Variants in DAB1 observed in about 807,000 individuals in gnomAD.
DAB1 encodes DAB adaptor protein 1.
DAB1 carries 15 observed loss-of-function variants against 64.6 expected under a neutral mutation model. The observed-to-expected ratio is 0.23, with a 90% CI of 0.16 to 0.36. The LOEUF is 0.36. DAB1 is among the 10% of genes least tolerant of loss of function. The probability of loss-of-function intolerance (pLI) is 1.00; values close to 1 mark genes in which losing one functional copy is unlikely to be tolerated. For missense variants in DAB1, 596 were observed against 706.7 expected, an observed-to-expected ratio of 0.84 and a Z score of 1.78; for synonymous variants, 235 against 251.9, an observed-to-expected ratio of 0.93 and a Z score of 0.64.
intron 1 of DAB1, among the ~76,000 whole-genome samples, chr1:57,310,855 G>T (rs577380765): frequency 1.3e-5 from 2 of 152,162 alleles, no homozygotes; most frequent in Admixed American, 1.3e-4. Context: ...ATAGAGAGAT[G>T]GGCATGGTCG....
In DAB1 at chr1:58,017,271, T is replaced by G. The variant is rs12023109; in HGVS notation, n.388-133109A>C. On this transcript the variant is annotated intron_variant and non_coding_transcript_variant, in intron 5 of 20. Transcript: ENST00000485760. The stretch of plus-strand genomic sequence containing the variant: ...AAACTTCTCATCAGCACAAGGGCTA[T>G]GCGATTAGGCACAGGCTATTAAAAC... Among the ~76,000 whole-genome samples, 1,504 of 152,160 alleles carry G rather than the reference T, an allele frequency of 9.9e-3. 50 individuals are homozygous for G. Among genetic ancestry groups the G allele is most frequent in the East Asian group, 0.091 (471 of 5,158 alleles).
rs1042513571 is a variant in DAB1, at chr1:58,021,419, G to T, written n.387+129092C>A. ...ATGGATGAGGAAACTGAAGATTAAA[G>T]ATTAAATAATTTGCTCAAATTCACA... On this transcript the variant is annotated intron_variant and non_coding_transcript_variant, in intron 5 of 20. Coordinates refer to the DAB1 transcript ENST00000485760. 2.0e-5 allele frequency among the ~76,000 whole-genome samples: 3 copies of T among 152,180 alleles called. No individual in the cohort carries two copies. In the East Asian group the frequency reaches 5.8e-4, roughly 29 times the overall value.
At chr1:58,380,531 T>C (rs562882710) in intron 3 of DAB1, among the ~76,000 whole-genome samples, 1 of 152,344 alleles carries the variant, frequency 6.6e-6, no homozygotes, top group African/African-American at 2.4e-5. Flanking sequence ...TTAACATCTA[T>C]TATGCTGGAG....
chr1:57,138,047 C>A (rs1658280560), intron 3 of DAB1, among the ~76,000 whole-genome samples: 1 of 152,072 alleles, frequency 6.6e-6, no homozygotes, highest in South Asian at 2.1e-4. Context: ...AAGTACCTAG[C>A]ACAATGCCTG....
chr1:57,796,557 A>AATAATC (rs57299540), intron 6 of DAB1, among the ~76,000 whole-genome samples: 4 of 149,432 alleles, frequency 2.7e-5, no homozygotes, highest in African/African-American at 7.5e-5. Flanking sequence ...TAATAATAAT[A>AATAATC]ATAATCATAA....
chr1:58,049,597 GAAGA>G (rs917889003), intron 5 of DAB1, among the ~76,000 whole-genome samples: 1 of 152,136 alleles, frequency 6.6e-6, no homozygotes, highest in African/African-American at 2.4e-5. Flanking sequence ...TTTTGGAATA[GAAGA>G]AAGAGCATGG....
chr1:57,262,357 A>G (rs1484754802), intron 2 of DAB1, among the ~76,000 whole-genome samples: 2 of 152,234 alleles, frequency 1.3e-5, no homozygotes, highest in East Asian at 3.9e-4. Flanking sequence ...AGAGTTTGGC[A>G]TCTCTTTGAG....
chr1:57,861,121 A>AAGTTT (rs1376725035), intron 1 of DAB1: 1 of 152,200 alleles, frequency 6.6e-6, no homozygotes, highest in African/African-American at 2.4e-5. Context: ...TGTTGGAGAA[A>AAGTTT]AGTTTGTTTC....
At chr1:57,965,501 G>T (rs953333869) in intron 5 of DAB1, among the ~76,000 whole-genome samples, 1 of 152,022 alleles carries the variant, frequency 6.6e-6, no homozygotes, top group African/African-American at 2.4e-5. Flanking sequence ...AAATAAATAT[G>T]CAAAAATTCT....
At chr1:58,113,125 C>T (rs888337281) in intron 5 of DAB1, among the ~76,000 whole-genome samples, 5 of 152,150 alleles carry the variant, frequency 3.3e-5, no homozygotes, top group Admixed American at 6.5e-5. Context: ...GCAAAAGGAT[C>T]GTGGCACAGA....
At chr1:58,412,471 C>G (rs1644680870) in intron 3 of DAB1, among the ~76,000 whole-genome samples, 1 of 152,236 alleles carries the variant, frequency 6.6e-6, no homozygotes, top group Non-Finnish European at 1.5e-5. Context: ...TAGCTTAGTG[C>G]AGTTACCAAC....
intron 6 of DAB1, among the ~76,000 whole-genome samples, chr1:57,805,681 T>C (rs980586370): frequency 1.3e-5 from 2 of 152,200 alleles, no homozygotes; most frequent in African/African-American, 4.8e-5. Context: ...CATTTGGATA[T>C]CCAATAGGCA....
chr1:58,266,766 T>G (rs1001720791), intron 4 of DAB1, among the ~76,000 whole-genome samples: 2 of 152,166 alleles, frequency 1.3e-5, no homozygotes, highest in African/African-American at 4.8e-5. Flanking sequence ...ATATGAATGA[T>G]GACAAAAAAC....
At chr1:57,326,791 T>C (rs1374097680) in intron 1 of DAB1, among the ~76,000 whole-genome samples, 1 of 152,102 alleles carries the variant, frequency 6.6e-6, no homozygotes, top group Non-Finnish European at 1.5e-5. Context: ...AGTACCATCC[T>C]CAGACCTCAT....
At chr1:57,858,338 T>G (rs989239) in intron 1 of DAB1, among the ~76,000 whole-genome samples, 1 of 152,078 alleles carries the variant, frequency 6.6e-6, no homozygotes, top group Non-Finnish European at 1.5e-5. Flanking sequence ...ATTACCATCA[T>G]GAATTCAACA....
At chr1:57,583,809 C>T (rs1645345185) in intron 7 of DAB1, among the ~76,000 whole-genome samples, 1 of 152,202 alleles carries the variant, frequency 6.6e-6, no homozygotes, top group South Asian at 2.1e-4. Flanking sequence ...GTAATCATAT[C>T]TCCATCTTCT....
chr1:58,409,678 C>G (rs1644648609), intron 3 of DAB1, among the ~76,000 whole-genome samples: 1 of 152,224 alleles, frequency 6.6e-6, no homozygotes. Context: ...TCCTTCTCCT[C>G]TCTAGACCTC....
intron 7 of DAB1, among the ~76,000 whole-genome samples, chr1:57,589,243 A>G (rs1359406293): frequency 1.3e-5 from 2 of 152,182 alleles, no homozygotes; most frequent in African/African-American, 2.4e-5. Context: ...ACAAACAAAA[A>G]AACCATATGT....
At chr1:58,281,099 T>C (rs193101443) in intron 4 of DAB1, among the ~76,000 whole-genome samples, 5 of 152,260 alleles carry the variant, frequency 3.3e-5, no homozygotes, top group Admixed American at 2.6e-4. Flanking sequence ...CTCCTTTGCC[T>C]AAATCATTAT....
Sources: gnomAD v4.1 joint callset for allele counts (sites outside exome capture counted in the v4.1 genomes callset) on GRCh38, gnomAD v4.1.1 for gene constraint, MANE v1.5 for transcripts, NCBI Gene and HGNC (gene_info 2026-07-23, HGNC 2026-07-21) for gene names.